Variants in SHC4 observed in about 807,000 individuals in gnomAD.
SHC4 encodes SHC adaptor protein 4.
In SHC4, 41 loss-of-function variants were observed where a neutral mutation model predicts 69.4. That is an observed-to-expected ratio of 0.59 (90% CI 0.46 to 0.77). The LOEUF (loss-of-function observed/expected upper bound fraction) is 0.77. SHC4 is among the 30% of genes least tolerant of loss of function. The probability of loss-of-function intolerance (pLI) is 0.00; values close to 1 mark genes in which losing one functional copy is unlikely to be tolerated. For missense variants in SHC4, 777 were observed against 783.8 expected (o/e 0.99, Z 0.10); for synonymous variants, 318 against 299.3 (o/e 1.06, Z -0.64).
intron 1 of SHC4, among the ~76,000 whole-genome samples, chr15:48,928,217 T>C (rs1900891329): frequency 6.6e-6 from 1 of 152,072 alleles, no homozygotes; most frequent in Admixed American, 6.5e-5. Flanking sequence ...GTACTTCATG[T>C]TTGTTATTTT....
At chr15:48,846,084 G>A (rs1232990001) in intron 9 of SHC4, among the ~76,000 whole-genome samples, 4 of 151,644 alleles carry the variant, frequency 2.6e-5, no homozygotes, top group East Asian at 3.9e-4. Flanking sequence ...CTGCAGCCTC[G>A]AACTCCTAGG....
chr15:48,858,440 G>T (rs962812258), intron 6 of SHC4, among the ~76,000 whole-genome samples: 1 of 152,276 alleles, frequency 6.6e-6, no homozygotes, highest in Middle Eastern at 3.4e-3. Context: ...CTGGGTGAAG[G>T]TGTCATTACC....
At chr15:48,919,510 A>C (rs1174169290) in intron 2 of SHC4, among the ~76,000 whole-genome samples, 1 of 151,406 alleles carries the variant, frequency 6.6e-6, no homozygotes, top group South Asian at 2.1e-4. Flanking sequence ...GCTGGTCTCA[A>C]ACTCCAAGAC....
intron 3 of SHC4, among the ~76,000 whole-genome samples, chr15:48,884,569 A>T (rs1267147561): frequency 1.3e-5 from 2 of 152,182 alleles, no homozygotes; most frequent in Non-Finnish European, 2.9e-5. Context: ...TTTATTAAGT[A>T]GTGAAATTTA....
chr15:48,916,105 C>T (rs79591248), intron 2 of SHC4, among the ~76,000 whole-genome samples: 2,272 of 152,188 alleles, frequency 0.015, 56 homozygotes, highest in African/African-American at 0.052. Flanking sequence ...TTTAGACAAA[C>T]GCCAGACTGT....
rs1899028536 is a variant in SHC4 at position 48,843,398 on chromosome 15, T to C, written c.1483+11A>G. The C allele has an allele frequency of 6.3e-7, 1 of 1,597,784 alleles. No homozygotes were observed. The highest frequency in any genetic ancestry group is 8.5e-7 in the Non-Finnish European group (1 of 1,169,828). On this transcript the variant is annotated intron_variant, in intron 10 of 11. Transcript: ENST00000332408. ...CTAAGAAATGAATACAGACAGTGAG[T>C]AGCTACTTACTTCCGCAGTGCCATG...
intron 6 of SHC4, among the ~76,000 whole-genome samples, chr15:48,867,036 G>A (rs759376649): frequency 1.3e-5 from 2 of 152,200 alleles, no homozygotes; most frequent in Non-Finnish European, 2.9e-5. Context: ...TAGGCATCAT[G>A]GTGAGTGCTA....
In SHC4 at chr15:48,894,117, C is replaced by A. The variant is rs560750923; in HGVS notation, c.657-3306G>T. ...ACATATCAAAATAAATATTGCCACT[C>A]GGACTATAGAAATATGAAGAAGTCT... On this transcript the variant is annotated intron_variant, in intron 2 of 11. Coordinates refer to ENST00000332408, the MANE Select transcript of SHC4 (RefSeq NM_203349.4). Among the ~76,000 whole-genome samples the A allele has an allele frequency of 6.6e-5, 10 of 152,168 alleles. No homozygotes were observed. In the South Asian group the frequency reaches 2.1e-3, roughly 32 times the overall value.
At chr15:48,837,767 T>A (rs563645596) in intron 10 of SHC4, among the ~76,000 whole-genome samples, 3 of 152,224 alleles carry the variant, frequency 2.0e-5, no homozygotes, top group Non-Finnish European at 4.4e-5. Flanking sequence ...CAATCAGACC[T>A]TCAAGAAAGC....
intron 2 of SHC4, among the ~76,000 whole-genome samples, chr15:48,905,403 T>G (rs1352290517): frequency 1.3e-5 from 2 of 152,222 alleles, no homozygotes; most frequent in East Asian, 3.9e-4. Context: ...GGGCACACTC[T>G]GAGCTTTCTC....
chr15:48,835,492 C>A (rs1457435799), intron 10 of SHC4, among the ~76,000 whole-genome samples: 1 of 152,170 alleles, frequency 6.6e-6, no homozygotes, highest in Non-Finnish European at 1.5e-5. Context: ...CTTTTTAAAA[C>A]CAAATTATTA....
Position 48,856,020 on chromosome 15 carries a change from C to G in SHC4, c.1175G>C (p.Arg392Pro), listed in dbSNP as rs754919524. The change falls in exon 8 of 12, where the codon CGG (arginine) becomes CCG (proline). Residue 392 changes from arginine (R) to proline (P), a missense_variant. Physicochemically the swap from Arg to Pro is moderately radical, Grantham distance 103. Transcript: ENST00000332408. ...QPPVGGVSDMRIKVQATEQMA... is the reference protein window; with the variant it reads ...QPPVGGVSDMPIKVQATEQMA... ...TTGTTCCGTGGCTTGAACTTTGATCCGCATATCTGAAACACCACCTACTGG... is the reference window on the plus strand; with the variant it reads ...TTGTTCCGTGGCTTGAACTTTGATCGGCATATCTGAAACACCACCTACTGG... 6.2e-7 allele frequency: 1 copy of G among 1,613,692 alleles called. No individual in the cohort carries two copies.
chr15:48,881,530 C>G (rs1269000261), intron 4 of SHC4, among the ~76,000 whole-genome samples: 2 of 152,204 alleles, frequency 1.3e-5, no homozygotes, highest in African/African-American at 4.8e-5. Flanking sequence ...GCACAGCTTG[C>G]ATTACCTACT....
intron 1 of SHC4, among the ~76,000 whole-genome samples, chr15:48,944,021 C>G (rs976938789): frequency 6.6e-6 from 1 of 152,024 alleles, no homozygotes; most frequent in Non-Finnish European, 1.5e-5. Context: ...CACCCAGAGT[C>G]TCTGCCCTGG....
chr15:48,846,198 T>C (rs1899089503), intron 9 of SHC4, among the ~76,000 whole-genome samples: 1 of 152,144 alleles, frequency 6.6e-6, no homozygotes, highest in African/African-American at 2.4e-5. Context: ...GGACCTGAGT[T>C]CAAATCCCTG....
At chr15:48,837,179 A>G (rs1175633609) in intron 10 of SHC4, among the ~76,000 whole-genome samples, 1 of 152,234 alleles carries the variant, frequency 6.6e-6, no homozygotes, top group East Asian at 1.9e-4. Flanking sequence ...ATAGAAAAAG[A>G]GACATTATAT....
chr15:48,848,001 T>TAAA (rs571529935), intron 9 of SHC4, among the ~76,000 whole-genome samples: 4 of 99,824 alleles, frequency 4.0e-5, no homozygotes, highest in Non-Finnish European at 6.4e-5. Flanking sequence ...AAACTCCGTC[T>TAAA]AAAAAAAAAA....
chr15:48,910,951 T>G (rs944100708), intron 2 of SHC4, among the ~76,000 whole-genome samples: 2 of 152,212 alleles, frequency 1.3e-5, no homozygotes, highest in South Asian at 4.1e-4. Flanking sequence ...ATTTCAACTT[T>G]CTTAAATTTT....
chr15:48,838,087 T>C (rs1180515615), intron 10 of SHC4, among the ~76,000 whole-genome samples: 1 of 152,192 alleles, frequency 6.6e-6, no homozygotes, highest in South Asian at 2.1e-4. Context: ...ACATAAATCA[T>C]GATGCACTCA....
Sources: allele counts gnomAD v4.1 joint callset (sites outside exome capture counted in the v4.1 genomes callset), GRCh38; gene constraint gnomAD v4.1.1; transcripts MANE v1.5; gene names NCBI Gene and HGNC (gene_info 2026-07-23, HGNC 2026-07-21).